EPHA6: variants seen among roughly 807,000 people sequenced by gnomAD.
The protein encoded by EPHA6 is ephrin type-A receptor 6.
EPHA6 carries 50 observed loss-of-function variants against 112.0 expected under a neutral mutation model. That is an observed-to-expected ratio of 0.45 (90% CI 0.36 to 0.56). The LOEUF (loss-of-function observed/expected upper bound fraction) is 0.56, where lower values mean the gene tolerates loss of function less well. Among genes scored for constraint, EPHA6 ranks in the 20% least tolerant of loss-of-function variants. The probability of loss-of-function intolerance (pLI) is 0.00; values close to 1 mark genes in which losing one functional copy is unlikely to be tolerated. For missense variants in EPHA6, 1,280 were observed against 1,417.4 expected (o/e 0.90, Z 1.56); for synonymous variants, 529 against 490.7 (o/e 1.08, Z -1.03).
At chr3:97,026,491 C>T (rs2044643349) in intron 3 of EPHA6, among the ~76,000 whole-genome samples, 1 of 152,054 alleles carries the variant, frequency 6.6e-6, no homozygotes, top group Non-Finnish European at 1.5e-5. Flanking sequence ...TAGCCATATT[C>T]CTAAGTATTT....
At chr3:97,044,894 T>G (rs905437278) in intron 3 of EPHA6, among the ~76,000 whole-genome samples, 46 of 152,082 alleles carry the variant, frequency 3.0e-4, no homozygotes, top group African/African-American at 1.1e-3. Flanking sequence ...TGCATTAAGA[T>G]AAATACAAAG....
intron 15 of EPHA6, among the ~76,000 whole-genome samples, chr3:97,721,344 T>C (rs551189775): frequency 2.0e-5 from 3 of 152,312 alleles, no homozygotes; most frequent in African/African-American, 7.2e-5. Flanking sequence ...GTTGTCCAAG[T>C]ATCTTAAGGA....
At chr3:97,742,917 T>G (rs1337001168) in intron 16 of EPHA6, among the ~76,000 whole-genome samples, 3 of 152,104 alleles carry the variant, frequency 2.0e-5, no homozygotes, top group Non-Finnish European at 4.4e-5. Flanking sequence ...TAGTGTGAAG[T>G]GCAGTCCCTG....
rs544463092 is a variant in EPHA6, at chr3:97,530,553, T to C, written c.2201-1805T>C. On this transcript the variant is annotated intron_variant, in intron 10 of 17. Transcript: ENST00000389672. ...AACTACAACTTCTTTTTTTTTTCAG[T>C]GAAGTCAGGAAATTCATCCTCCAAC... 4.1e-3 allele frequency among the ~76,000 whole-genome samples: 625 copies of C among 151,432 alleles called. 3 individuals are homozygous for C. Among genetic ancestry groups the C allele is most frequent in the Non-Finnish European group, 7.1e-3 (478 of 67,732 alleles).
At chr3:97,145,613 G>A (rs1161877496) in intron 3 of EPHA6, among the ~76,000 whole-genome samples, 6 of 150,434 alleles carry the variant, frequency 4.0e-5, no homozygotes, top group Non-Finnish European at 7.4e-5. Flanking sequence ...TTTTTACAAC[G>A]GGAAAATGTT....
At chr3:96,882,185 C>T (rs965263191) in intron 2 of EPHA6, among the ~76,000 whole-genome samples, 2 of 152,114 alleles carry the variant, frequency 1.3e-5, no homozygotes, top group African/African-American at 2.4e-5. Flanking sequence ...ATTTCCCTTC[C>T]GCACTTTAAG....
intron 3 of EPHA6, chr3:96,994,082 G>A (rs776592698): frequency 9.4e-6 from 2 of 213,264 alleles, no homozygotes; most frequent in East Asian, 7.1e-5. Context: ...ATATTGTTAA[G>A]GCTTACCTGT....
At chr3:97,111,539 C>T (rs1190591761) in intron 3 of EPHA6, among the ~76,000 whole-genome samples, 1 of 152,036 alleles carries the variant, frequency 6.6e-6, no homozygotes, top group African/African-American at 2.4e-5. Flanking sequence ...AGGTCACCAT[C>T]ATTTAAATGA....
Position 97,557,166 on chromosome 3 carries a change from A to AT in EPHA6, c.2386+24631dup, listed in dbSNP as rs973189368. On this transcript the variant is annotated intron_variant, in intron 11 of 17. Transcript: ENST00000389672. ...GATTTCACATCACAAAGGTCATGTG[A>AT]TTTTTTTTAAATACTGAAAATTACT... 4.0e-5 allele frequency among the ~76,000 whole-genome samples: 6 copies of AT among 151,878 alleles called. No homozygotes were observed. In the South Asian group the frequency reaches 6.2e-4, roughly 16 times the overall value.
Position 97,758,309 on chromosome 3 carries a change from ATCAG to A in EPHA6, c.*9612_*9615del, listed in dbSNP as rs1292377252. ...TATCTATAATATAACAATCAAAAAT[ATCAG>A]TCAAAGCTTAGTGTTTACCTCTTTA... On this transcript the variant is annotated 3_prime_UTR_variant, in exon 18 of 18. Coordinates refer to ENST00000389672, the MANE Select transcript of EPHA6 (RefSeq NM_001080448.3). 6.6e-6 allele frequency among the ~76,000 whole-genome samples: 1 copy of A among 152,028 alleles called. No individual in the cohort carries two copies. The highest frequency in any genetic ancestry group is 1.5e-5 in the Non-Finnish European group (1 of 67,876).
chr3:97,552,647 G>A (rs1577748137), intron 11 of EPHA6, among the ~76,000 whole-genome samples: 2 of 152,152 alleles, frequency 1.3e-5, no homozygotes, highest in Non-Finnish European at 2.9e-5. Context: ...AGCCAATCAT[G>A]GAAAAACAAA....
intron 15 of EPHA6, among the ~76,000 whole-genome samples, chr3:97,732,423 C>T (rs1328679104): frequency 2.0e-5 from 3 of 151,844 alleles, no homozygotes; most frequent in Admixed American, 6.6e-5. Flanking sequence ...CCTGGTCACT[C>T]TCAATAGTTA....
intron 13 of EPHA6, among the ~76,000 whole-genome samples, chr3:97,632,631 A>C (rs147725784): frequency 1.7e-3 from 266 of 152,174 alleles, no homozygotes; most frequent in African/African-American, 6.1e-3. Context: ...TCACAAAAAA[A>C]CTCAGGTGAC....
intron 2 of EPHA6, among the ~76,000 whole-genome samples, chr3:96,982,515 G>C (rs1429600492): frequency 6.6e-6 from 1 of 152,156 alleles, no homozygotes; most frequent in Non-Finnish European, 1.5e-5. Flanking sequence ...GTGGTGCTGA[G>C]AAGAATGTAT....
chr3:96,861,398 TTAAGA>T (rs1053914255), intron 1 of EPHA6, among the ~76,000 whole-genome samples: 1 of 152,002 alleles, frequency 6.6e-6, no homozygotes, highest in African/African-American at 2.4e-5. Context: ...TTTTTTCTAT[TTAAGA>T]TAACAGTGAA....
intron 3 of EPHA6, among the ~76,000 whole-genome samples, chr3:97,183,268 A>G (rs538468793): frequency 1.3e-5 from 2 of 152,222 alleles, no homozygotes; most frequent in East Asian, 1.9e-4. Flanking sequence ...TCCCTGACTC[A>G]GGTCTAAAGT....
intron 7 of EPHA6, among the ~76,000 whole-genome samples, chr3:97,466,913 A>G (rs1161505276): frequency 1.3e-5 from 2 of 151,958 alleles, no homozygotes; most frequent in Non-Finnish European, 2.9e-5. Flanking sequence ...TCCAATATCT[A>G]CTTACCATGT....
chr3:97,748,840 TG>T lies in EPHA6; in HGVS notation c.*140del. On this transcript the variant is annotated 3_prime_UTR_variant, in exon 18 of 18. Coordinates refer to ENST00000389672, the MANE Select transcript of EPHA6 (RefSeq NM_001080448.3). The stretch of plus-strand genomic sequence containing the variant: ...GTTCAGACTATAGGCACACACCTTA[TG>T]TTTATGCTTCCAACCAGGATTTTAA... 1 of 619,602 alleles carries T rather than the reference TG, an allele frequency of 1.6e-6. No individual in the cohort carries two copies. The highest frequency in any genetic ancestry group is 2.9e-6 in the Non-Finnish European group (1 of 342,146). 38.4% of individuals were successfully genotyped at this position (619,602 alleles called of 1,614,324 possible).
intron 3 of EPHA6, among the ~76,000 whole-genome samples, chr3:97,005,981 T>C (rs1237486685): frequency 6.6e-6 from 1 of 152,218 alleles, no homozygotes; most frequent in Admixed American, 6.5e-5. Context: ...TTGATCATGA[T>C]GGATGAGTTT....
Sources: gnomAD v4.1 joint callset for allele counts (sites outside exome capture counted in the v4.1 genomes callset) on GRCh38, gnomAD v4.1.1 for gene constraint, MANE v1.5 for transcripts, NCBI Gene and HGNC (gene_info 2026-07-23, HGNC 2026-07-21) for gene names.